The following CFAP65 variants were observed in gnomAD, a reference collection of about 807,000 sequenced individuals.
CFAP65 encodes cilia- and flagella-associated protein 65.
A neutral mutation model predicts 208.0 loss-of-function variants in CFAP65; 155 were observed. That is an observed-to-expected ratio of 0.75 (90% CI 0.65 to 0.85). The LOEUF is 0.85. CFAP65 is among the 40% of genes least tolerant of loss of function. The probability of loss-of-function intolerance (pLI) is 0.00; values close to 1 mark genes in which losing one functional copy is unlikely to be tolerated. For synonymous variants in CFAP65, 970 were observed against 986.3 expected (o/e 0.98, Z 0.31); for missense variants, 2,294 against 2,451.3 (o/e 0.94, Z 1.36).
At chr2:219,027,094 A>G in intron 13 of CFAP65, 1 of 1,046,254 alleles carries the variant, frequency 9.6e-7, no homozygotes, top group Non-Finnish European at 1.2e-6. Context: ...GGGTGGGCAG[A>G]GTCAAGAAGG....
rs1559121910 is a variant in CFAP65 at position 219,010,601 on chromosome 2, T to C, written c.4253A>G (p.Asn1418Ser). Residue 1418 changes from asparagine to serine, a missense_variant, in exon 26 of 35, where the codon AAC (asparagine) becomes AGC (serine). By Grantham distance (46) the Asn-to-Ser change is conservative (BLOSUM62 1). This residue lies in a region of CFAP65 where 1,427 missense variants were observed against 1,438.7 expected (regional missense o/e 0.99). Transcript: ENST00000341552. ...GGAACTGTTGTCCCACGAGGAGATGTTGTGGAATGGGGCTGTGTCCCCCAT... is the reference window on the plus strand; with the variant it reads ...GGAACTGTTGTCCCACGAGGAGATGCTGTGGAATGGGGCTGTGTCCCCCAT... ...HMMGDTAPFH[N>S]ISSWDNSSIH... The C allele has an allele frequency of 1.9e-6, 3 of 1,611,978 alleles. No individual in the cohort carries two copies. The highest frequency in any genetic ancestry group is 2.5e-6 in the Non-Finnish European group (3 of 1,179,700).
chr2:219,037,027 T>C (rs1948405743), intron 4 of CFAP65, among the ~76,000 whole-genome samples: 1 of 152,168 alleles, frequency 6.6e-6, no homozygotes, highest in Non-Finnish European at 1.5e-5. Context: ...GGTAATTTAC[T>C]ATAATATCAG....
Position 219,028,926 on chromosome 2 carries a change from C to T in CFAP65, c.1650+477G>A, listed in dbSNP as rs536962124. ...GGGATCATGGGTTACATTTCAGCCC[C>T]GTTTGCCATCTTGGCCAGGCACCTG... On this transcript the variant is annotated intron_variant, in intron 11 of 34. Transcript: ENST00000341552. Among the ~76,000 whole-genome samples the T allele has an allele frequency of 2.6e-5, 4 of 152,358 alleles. No homozygotes were observed. In the South Asian group the frequency reaches 6.2e-4, roughly 24 times the overall value.
chr2:219,006,468 G>A lies in CFAP65; in HGVS notation c.4716C>T (p.Tyr1572=), dbSNP rs764867812. 5 of 1,613,712 alleles carry A rather than the reference G, an allele frequency of 3.1e-6. No homozygotes were observed. The highest frequency in any genetic ancestry group is 1.7e-4 in the Middle Eastern group (1 of 6,050). Residue 1572 remains tyrosine (Y), a synonymous_variant, in exon 30 of 35, where the codon TAC becomes TAT. Transcript: ENST00000341552. ...CCTACEPARK[Y]KTLPPIKNQQ... is the part of the protein sequence containing the mutation. ...GGCCTGGGGCTCGCCGCCTCACCTTGTACTTCCTCGCAGGTTCACAGGCTG... is the reference window on the plus strand; with the variant it reads ...GGCCTGGGGCTCGCCGCCTCACCTTATACTTCCTCGCAGGTTCACAGGCTG...
intron 21 of CFAP65, among the ~76,000 whole-genome samples, chr2:219,017,534 A>C (rs949804954): frequency 6.6e-6 from 1 of 152,254 alleles, no homozygotes; most frequent in African/African-American, 2.4e-5. Context: ...TACAACAACA[A>C]AAAAGCATAG....
In CFAP65 at chr2:219,019,070, C is replaced by T. The variant is rs762444601; in HGVS notation, c.3583G>A (p.Gly1195Arg). ...CCATACCAGTCCAGGGACACCACTCCGCTGTTCTTCAGGGCCAGGAATACC... is the reference window on the plus strand; with the variant it reads ...CCATACCAGTCCAGGGACACCACTCTGCTGTTCTTCAGGGCCAGGAATACC... ...SVVFLALKNS[G>R]VVSLDWAFLL... The change falls in exon 21 of 35, where the codon GGA becomes AGA. Residue 1195 changes from glycine to arginine, a missense_variant. By Grantham distance (125) the Gly-to-Arg change is moderately radical. Transcript: ENST00000341552. 1.5e-5 allele frequency: 24 copies of T among 1,614,126 alleles called. No homozygotes were observed. The highest frequency in any genetic ancestry group is 1.9e-5 in the Non-Finnish European group (22 of 1,180,044).
chr2:219,037,795 AGC>A (rs1948452075), intron 4 of CFAP65, among the ~76,000 whole-genome samples: 3 of 152,174 alleles, frequency 2.0e-5, no homozygotes, highest in Admixed American at 6.5e-5. Context: ...ACACCTAAGG[AGC>A]TGGGCACCAT....
chr2:219,033,883 T>C (rs762593959), intron 5 of CFAP65: 2 of 151,914 alleles, frequency 1.3e-5, no homozygotes, highest in African/African-American at 2.4e-5. Flanking sequence ...AACAAGAAAA[T>C]TAACAAATAA....
At chr2:219,040,470 T>G (rs141649217) in intron 2 of CFAP65, 49 bp downstream of exon 2, 2 of 948,366 alleles carry the variant, frequency 2.1e-6, no homozygotes, top group East Asian at 2.6e-5. Flanking sequence ...CTTACTATTA[T>G]GTACCAGGTA....
At chr2:219,030,880 T>A (rs1947973047) in intron 8 of CFAP65, 46 bp from the exon 9 acceptor site, 7 of 1,592,258 alleles carry the variant, frequency 4.4e-6, no homozygotes, top group Non-Finnish European at 6.0e-6. Context: ...CCAGGGCCTC[T>A]GTGGCCCCAG....
intron 24 of CFAP65, among the ~76,000 whole-genome samples, chr2:219,012,109 G>A (rs1946531380): frequency 1.3e-5 from 2 of 152,144 alleles, no homozygotes; most frequent in African/African-American, 4.8e-5. Context: ...GGGCTCCCCA[G>A]CCTTTTTAAT....
Position 219,019,097 on chromosome 2 carries a change from CG to C in CFAP65, c.3555del (p.Val1186TrpfsTer6), listed in dbSNP as rs767665027. The part of the protein sequence containing the change: ...FGAAPFKAPP[S>X]VVFLALKNSG... Reference sequence around the variant, plus strand: ...CTGTTCTTCAGGGCCAGGAATACCACGGAAGGTGGGGCCTTGAATGGTGCGG... The same window carrying C: ...CTGTTCTTCAGGGCCAGGAATACCACGAAGGTGGGGCCTTGAATGGTGCGG... On this transcript the variant is annotated frameshift_variant, in exon 21 of 35. Transcript: ENST00000341552. LOFTEE classifies it high-confidence loss of function. 1 of 1,614,196 alleles carries C rather than the reference CG, an allele frequency of 6.2e-7. No individual in the cohort carries two copies. Among genetic ancestry groups the C allele is most frequent in the East Asian group, 2.2e-5 (1 of 44,890 alleles).
Position 219,038,483 on chromosome 2 carries a change from G to A in CFAP65, c.249C>T (p.Asn83=). ...SSVVRSRNSR[N]HTVNSGGSCL... ...AGGATCCACCAGAGTTCACGGTGTG[G>A]TTCCTGCTGTTCCTGGACCTCACGA... The change falls in exon 4 of 35, where the codon AAC becomes AAT. Residue 83 remains asparagine (N), a synonymous_variant. Transcript: ENST00000341552. The A allele has an allele frequency of 6.2e-7, 1 of 1,614,174 alleles. No homozygotes were observed. Among genetic ancestry groups the A allele is most frequent in the Non-Finnish European group, 8.5e-7 (1 of 1,180,044 alleles).
chr2:219,031,794 G>A lies in CFAP65; in HGVS notation c.646-136C>T, dbSNP rs773513169. ...CGTGGCACCCACGTCAGACTCTGAG[G>A]GGAGCTGGGCACCTATGTTGTCTTG... is the stretch of plus-strand genomic sequence containing the variant. On this transcript the variant is annotated intron_variant, in intron 6 of 34. Coordinates refer to ENST00000341552, the MANE Select transcript of CFAP65 (RefSeq NM_194302.4). The surrounding 1 kb of genome is among the most constrained non-coding windows in gnomAD (Gnocchi z 5.2). 16 of 985,476 alleles carry A rather than the reference G, an allele frequency of 1.6e-5. No homozygotes were observed. The highest frequency in any genetic ancestry group is 2.4e-5 in the Non-Finnish European group (16 of 671,104). 61.0% of individuals were successfully genotyped at this position (985,476 alleles called of 1,614,324 possible).
chr2:219,027,389 T>C, intron 13 of CFAP65: 4 of 1,470,534 alleles, frequency 2.7e-6, no homozygotes, highest in South Asian at 2.8e-5. Flanking sequence ...CACCCAGTTT[T>C]CCCAAACAGC....
intron 21 of CFAP65, chr2:219,015,726 C>A (rs1946835184): frequency 6.6e-6 from 1 of 152,068 alleles, no homozygotes; most frequent in Non-Finnish European, 1.5e-5. Context: ...CAACGCACAC[C>A]TTTGTGTGGA....
intron 30 of CFAP65, 87 bp downstream of exon 30, chr2:219,006,378 G>A: frequency 6.5e-7 from 1 of 1,543,746 alleles, no homozygotes; most frequent in African/African-American, 1.4e-5. Context: ...CTGGGAGTCT[G>A]GTCCAGGGGT....
chr2:219,012,407 T>A (rs1439814388), intron 24 of CFAP65, among the ~76,000 whole-genome samples: 1 of 152,160 alleles, frequency 6.6e-6, no homozygotes, highest in Non-Finnish European at 1.5e-5. Context: ...CAGACCCTAG[T>A]GGGGCTGCTG....
rs754719037 is a variant in CFAP65, at chr2:219,003,497, C to T, written c.5556-225G>A. On this transcript the variant is annotated intron_variant, in intron 33 of 34. Transcript: ENST00000341552. This position sits in a 1 kb window ranked among gnomAD's most constrained non-coding sequence, Gnocchi z 4.4. ...TGCTGCTGGTTTAAGGGGTGGGATT[C>T]AAACCCAGGCGATGTAGTAGGCATC... 6.6e-6 allele frequency among the ~76,000 whole-genome samples: 1 copy of T among 152,170 alleles called. No individual in the cohort carries two copies. Among genetic ancestry groups the T allele is most frequent in the South Asian group, 2.1e-4 (1 of 4,830 alleles).
Sources: allele counts gnomAD v4.1 joint callset (sites outside exome capture counted in the v4.1 genomes callset), GRCh38; gene constraint gnomAD v4.1.1; regional missense constraint gnomAD v4.1.1; non-coding constraint Gnocchi (gnomAD v3.1); transcripts MANE v1.5; gene names NCBI Gene and HGNC (gene_info 2026-07-23, HGNC 2026-07-21).